The following HDAC9 variants were observed in gnomAD, a reference collection of about 807,000 sequenced individuals.
The protein encoded by HDAC9 is histone deacetylase 9.
Under a neutral mutation model 139.4 loss-of-function variants are expected in HDAC9, and 41 were observed. The observed-to-expected ratio is 0.29, with a 90% CI of 0.23 to 0.38. The LOEUF (loss-of-function observed/expected upper bound fraction) is 0.38. Among genes scored for constraint, HDAC9 ranks in the 10% least tolerant of loss-of-function variants. The probability of loss-of-function intolerance (pLI) is 1.00; values close to 1 mark genes in which losing one functional copy is unlikely to be tolerated. For missense variants in HDAC9, 1,147 were observed against 1,297.0 expected (o/e 0.88, Z 1.78); for synonymous variants, 517 against 476.2 (o/e 1.09, Z -1.12).
At chr7:18,123,570 T>A (rs761195047) in intron 1 of HDAC9, among the ~76,000 whole-genome samples, 1 of 152,174 alleles carries the variant, frequency 6.6e-6, no homozygotes. Context: ...TAGCTTGGAA[T>A]AGACTAGAAT....
At chr7:18,548,207 CACA>C (rs1815829827) in intron 2 of HDAC9, among the ~76,000 whole-genome samples, 1 of 152,076 alleles carries the variant, frequency 6.6e-6, no homozygotes, top group South Asian at 2.1e-4. Flanking sequence ...GAACACCACA[CACA>C]ACATTTACAG....
intron 2 of HDAC9, among the ~76,000 whole-genome samples, chr7:18,188,207 CA>C (rs1251833526): frequency 3.3e-5 from 5 of 152,218 alleles, no homozygotes; most frequent in African/African-American, 1.2e-4. Flanking sequence ...CATCTACAAC[CA>C]TCTGATCTTT....
At chr7:18,373,252 G>A (rs1784732119) in intron 1 of HDAC9, among the ~76,000 whole-genome samples, 1 of 152,086 alleles carries the variant, frequency 6.6e-6, no homozygotes, top group South Asian at 2.1e-4. Flanking sequence ...AGAAAAGGTG[G>A]TGTAGTAAGA....
intron 17 of HDAC9, among the ~76,000 whole-genome samples, chr7:18,826,670 G>GTT (rs146895865): frequency 1.4e-4 from 18 of 129,668 alleles, no homozygotes; most frequent in African/African-American, 4.6e-4. Flanking sequence ...TTTTGGTTTT[G>GTT]TTTTTTTTTT....
At chr7:18,458,824 A>T in intron 1 of HDAC9, 1 of 1,529,724 alleles carries the variant, frequency 6.5e-7, no homozygotes, top group Non-Finnish European at 8.8e-7. Flanking sequence ...CTTCAACCTG[A>T]CTTTCTTATC....
At chr7:18,830,290 C>T (rs1408543423) in intron 19 of HDAC9, among the ~76,000 whole-genome samples, 1 of 152,118 alleles carries the variant, frequency 6.6e-6, no homozygotes, top group East Asian at 1.9e-4. Context: ...ATTTATGAGC[C>T]CCGTTTTCAG....
At chr7:18,916,664 T>G (rs1803238268) in intron 22 of HDAC9, among the ~76,000 whole-genome samples, 1 of 151,994 alleles carries the variant, frequency 6.6e-6, no homozygotes, top group South Asian at 2.1e-4. Flanking sequence ...ACAAATGCTT[T>G]GGATTTAAGT....
At position 18,774,029 on chromosome 7, in the gene HDAC9, C is replaced by T. The variant is rs141334200; in HGVS notation, c.2214+6874C>T. Among the ~76,000 whole-genome samples, 8 of 151,940 alleles carry T rather than the reference C, an allele frequency of 5.3e-5. No individual in the cohort carries two copies. The East Asian group carries it at 1.6e-3, about 30-fold the overall frequency. On this transcript the variant is annotated intron_variant, in intron 16 of 25. Transcript: ENST00000686413. ...AATTCAAAACCAAAATAAATTAGCT[C>T]ACTGAATGCTTGAGCCATAAGCAGG...
At chr7:18,178,730 C>G (rs867766656) in intron 2 of HDAC9, among the ~76,000 whole-genome samples, 2 of 152,140 alleles carry the variant, frequency 1.3e-5, no homozygotes, top group Non-Finnish European at 2.9e-5. Flanking sequence ...ATTCTTTATA[C>G]TTTTAAAAAG....
chr7:18,822,715 A>G (rs1180180084), intron 17 of HDAC9, among the ~76,000 whole-genome samples: 1 of 152,172 alleles, frequency 6.6e-6, no homozygotes, highest in African/African-American at 2.4e-5. Context: ...CTAGTCTTAA[A>G]TGACTTTTCT....
intron 1 of HDAC9, among the ~76,000 whole-genome samples, chr7:18,363,815 A>C (rs1712897370): frequency 6.6e-6 from 1 of 152,108 alleles, no homozygotes; most frequent in Admixed American, 6.6e-5. Flanking sequence ...TTTTTTATAC[A>C]AAGGGCATCT....
chr7:18,996,030 G>T lies in HDAC9; in HGVS notation c.3178G>T (p.Gly1060Cys), dbSNP rs769462311. Reference sequence around the variant, plus strand: ...GCCTGTTTATTTTTACAGAACTGCTGGTGAGCCTATGGAAGAGGAGCCAGC... The same window carrying T: ...GCCTGTTTATTTTTACAGAACTGCTTGTGAGCCTATGGAAGAGGAGCCAGC... Reference protein sequence around the residue: ...PFAQEDSRTAGEPMEEEPAL With the variant: ...PFAQEDSRTACEPMEEEPAL The change falls in exon 26 of 26, where the codon GGT becomes TGT. Residue 1060 changes from glycine (G) to cysteine (C), a missense_variant. By Grantham distance (159) the Gly-to-Cys change is radical. This residue lies in a region of HDAC9 where 407 missense variants were observed against 521.5 expected (regional missense o/e 0.78). Transcript: ENST00000686413. 3 of 1,603,066 alleles carry T rather than the reference G, an allele frequency of 1.9e-6. No individual in the cohort carries two copies. Among genetic ancestry groups the T allele is most frequent in the African/African-American group, 1.3e-5 (1 of 74,618 alleles).
At chr7:18,627,409 A>G (rs1184797310) in intron 6 of HDAC9, among the ~76,000 whole-genome samples, 1 of 152,206 alleles carries the variant, frequency 6.6e-6, no homozygotes, top group Non-Finnish European at 1.5e-5. Flanking sequence ...CTAGGGATTC[A>G]TGGTTCTTTA....
chr7:18,246,519 C>CA (rs1794542442), intron 2 of HDAC9, among the ~76,000 whole-genome samples: 1 of 152,090 alleles, frequency 6.6e-6, no homozygotes, highest in African/African-American at 2.4e-5. Context: ...CCCCCATTCC[C>CA]ACCTTCCTCA....
intron 1 of HDAC9, among the ~76,000 whole-genome samples, chr7:18,445,337 T>C (rs959741953): frequency 5.3e-5 from 8 of 152,208 alleles, no homozygotes; most frequent in Admixed American, 5.2e-4. Context: ...TACTATAGGC[T>C]ATTTTTCAAT....
At chr7:18,928,847 A>G (rs1223236780) in intron 22 of HDAC9, among the ~76,000 whole-genome samples, 2 of 151,994 alleles carry the variant, frequency 1.3e-5, no homozygotes, top group Admixed American at 1.3e-4. Context: ...TATCAAATAA[A>G]AGATAACACT....
chr7:18,287,612 GA>G (rs1292470907), upstream of HDAC9, among the ~76,000 whole-genome samples: 1 of 152,226 alleles, frequency 6.6e-6, no homozygotes, highest in Non-Finnish European at 1.5e-5. Flanking sequence ...GGCCACAGTT[GA>G]GAGCAGATGG....
At chr7:18,130,569 G>A (rs1043979066) in intron 1 of HDAC9, among the ~76,000 whole-genome samples, 2 of 152,004 alleles carry the variant, frequency 1.3e-5, no homozygotes, top group East Asian at 1.9e-4. Context: ...TTTAGTGGTC[G>A]TTAGTATATT....
At chr7:18,913,552 C>T (rs1360928953) in intron 22 of HDAC9, among the ~76,000 whole-genome samples, 1 of 151,994 alleles carries the variant, frequency 6.6e-6, no homozygotes, top group Non-Finnish European at 1.5e-5. Flanking sequence ...CTTTGGACTC[C>T]ATGTGCCTGA....
Sources: gnomAD v4.1 joint callset for allele counts (sites outside exome capture counted in the v4.1 genomes callset) on GRCh38, gnomAD v4.1.1 for gene constraint, gnomAD v4.1.1 regional missense constraint, MANE v1.5 for transcripts, NCBI Gene and HGNC (gene_info 2026-07-23, HGNC 2026-07-21) for gene names.